The following PLXNA4 variants were observed in gnomAD, a reference collection of about 807,000 sequenced individuals.
The protein encoded by PLXNA4 is plexin-A4.
Under a neutral mutation model 191.8 loss-of-function variants are expected in PLXNA4, and 44 were observed. That is an observed-to-expected ratio of 0.23 (90% CI 0.18 to 0.29). PLXNA4 has a LOEUF of 0.29. PLXNA4 is among the 10% of genes least tolerant of loss of function. The pLI, the probability that PLXNA4 is intolerant of heterozygous loss-of-function variation, is 1.00. For missense variants in PLXNA4, 1,800 were observed against 2,488.8 expected (o/e 0.72, Z 5.89); for synonymous variants, 1,082 against 1,009.5 (o/e 1.07, Z -1.36).
intron 3 of PLXNA4, among the ~76,000 whole-genome samples, chr7:132,318,221 C>A (rs932684961): frequency 6.6e-6 from 1 of 152,168 alleles, no homozygotes; most frequent in Non-Finnish European, 1.5e-5. Flanking sequence ...CCCTTCCTAG[C>A]CAGACAGGTG....
intron 1 of PLXNA4, among the ~76,000 whole-genome samples, chr7:132,555,092 A>C (rs552094013): frequency 3.4e-5 from 5 of 145,596 alleles, no homozygotes; most frequent in African/African-American, 1.3e-4. Context: ...ATGGCCTGGC[A>C]AAAAAACCAC....
chr7:132,140,928 C>T, intron 29 of PLXNA4, 117 bp from the exon 30 acceptor site: 4 of 1,483,914 alleles, frequency 2.7e-6, no homozygotes, highest in Non-Finnish European at 3.6e-6. Context: ...ACTTAAGAGC[C>T]TTCTCTATGC....
rs755101202 is a variant in PLXNA4, at chr7:132,507,959, G to A, written c.735C>T (p.Val245=). 1.2e-6 allele frequency: 2 copies of A among 1,614,176 alleles called. No homozygotes were observed. Among genetic ancestry groups the A allele is most frequent in the Admixed American group, 3.3e-5 (2 of 60,028 alleles). ...CAAAGTTGCCACTGCTAAAACCATA[G>A]ACATAGTAGATATCAAAGTCAGGGA... is the stretch of plus-strand genomic sequence containing the variant. ...TIIPDFDIYY[V]YGFSSGNFVY... Residue 245 remains valine (V), a synonymous_variant, in exon 2 of 32, where the codon GTC becomes GTT. Transcript: ENST00000321063.
chr7:132,358,289 C>G (rs1393631021), intron 3 of PLXNA4, among the ~76,000 whole-genome samples: 1 of 152,160 alleles, frequency 6.6e-6, no homozygotes, highest in African/African-American at 2.4e-5. Flanking sequence ...CATCTGAAAC[C>G]GGGGTTGGGT....
At chr7:132,307,084 T>A (rs1235194060) in intron 3 of PLXNA4, among the ~76,000 whole-genome samples, 1 of 152,128 alleles carries the variant, frequency 6.6e-6, no homozygotes, top group Non-Finnish European at 1.5e-5. Flanking sequence ...CAGACTCTGA[T>A]GGGCTGCAAG....
intron 10 of PLXNA4, among the ~76,000 whole-genome samples, chr7:132,206,437 GGTGTGTGTGT>G (rs61032250): frequency 0.13 from 18,827 of 148,394 alleles, 1,243 homozygotes; most frequent in African/African-American, 0.15. Flanking sequence ...TATGTTTTCT[GGTGTGTGTGT>G]GTGTGTGTGT....
At position 132,256,481 on chromosome 7, in the gene PLXNA4, G is replaced by C. The variant is rs138967800; in HGVS notation, c.1504-15315C>G. ...TCACCATGCCACCGTTTGCTGAGTT[G>C]TGGGCCACCCCTCAGGGATGCTCAC... On this transcript the variant is annotated intron_variant, in intron 4 of 31. Transcript: ENST00000321063. Among the ~76,000 whole-genome samples the C allele has an allele frequency of 2.7e-3, 414 of 152,228 alleles. 3 individuals are homozygous for C. Among genetic ancestry groups the C allele is most frequent in the African/African-American group, 9.6e-3 (398 of 41,526 alleles).
At position 132,291,880 on chromosome 7, in the gene PLXNA4, C is replaced by T. The variant is rs1224013878; in HGVS notation, c.1503+6211G>A. 3.9e-5 allele frequency among the ~76,000 whole-genome samples: 6 copies of T among 152,284 alleles called. 1 individual carries two copies. Among genetic ancestry groups the T allele is most frequent in the Non-Finnish European group, 2.9e-5 (2 of 68,012 alleles). ...CATGATCTAAGTTCACTGCAACCTC[C>T]GCCTCCCAGGTTGAAGCGATTCTCC... is the stretch of plus-strand genomic sequence containing the variant. On this transcript the variant is annotated intron_variant, in intron 4 of 31. Coordinates refer to ENST00000321063, the MANE Select transcript of PLXNA4 (RefSeq NM_020911.2).
intron 9 of PLXNA4, among the ~76,000 whole-genome samples, chr7:132,211,788 C>T (rs1250872743): frequency 3.9e-5 from 6 of 152,192 alleles, no homozygotes; most frequent in African/African-American, 1.2e-4. Context: ...TGAGCTCTTT[C>T]TGGATGCTAG....
At chr7:132,579,959 C>T (rs1802371209), upstream of PLXNA4, among the ~76,000 whole-genome samples, 1 of 151,976 alleles carries the variant, frequency 6.6e-6, no homozygotes, top group African/African-American at 2.4e-5. Context: ...AGTAGGGCCT[C>T]TACATTGGAA....
In PLXNA4 at chr7:132,147,958, C is replaced by T. The variant is rs562347770; in HGVS notation, c.4806G>A (p.Val1602=). The T allele has an allele frequency of 6.2e-7, 1 of 1,614,170 alleles. No individual in the cohort carries two copies. Among genetic ancestry groups the T allele is most frequent in the South Asian group, 1.1e-5 (1 of 91,082 alleles). The change falls in exon 27 of 32, where the codon GTG becomes GTA. Residue 1602 remains valine (V), a synonymous_variant. Transcript: ENST00000321063. ...AGTTGTTCACTGCGTTATAGGCTGTCACCTGCTTGGACACTAATGCCACCA... is the reference window on the plus strand; with the variant it reads ...AGTTGTTCACTGCGTTATAGGCTGTTACCTGCTTGGACACTAATGCCACCA... ...GSVVALVSKQ[V]TAYNAVNNST...
At chr7:132,241,771 T>A (rs1368160059) in intron 4 of PLXNA4, among the ~76,000 whole-genome samples, 6 of 152,230 alleles carry the variant, frequency 3.9e-5, no homozygotes, top group Non-Finnish European at 8.8e-5. Flanking sequence ...CAACTGGCTC[T>A]AAAAGCTTTC....
At chr7:132,540,874 A>G (rs1242503676) in intron 1 of PLXNA4, among the ~76,000 whole-genome samples, 1 of 152,044 alleles carries the variant, frequency 6.6e-6, no homozygotes. Context: ...GGCGTGAGCC[A>G]CCGCGCCCGG....
At chr7:132,142,550 C>CCAAT (rs371263397) in intron 29 of PLXNA4, among the ~76,000 whole-genome samples, 14 of 152,336 alleles carry the variant, frequency 9.2e-5, no homozygotes, top group African/African-American at 2.4e-4. Context: ...TTCAAGACTG[C>CCAAT]CAATCAGTCG....
At chr7:132,561,654 TCC>T (rs1305948979) in intron 1 of PLXNA4, among the ~76,000 whole-genome samples, 1 of 130,714 alleles carries the variant, frequency 7.7e-6, no homozygotes, top group Non-Finnish European at 1.6e-5. Context: ...CTCCTCTTCC[TCC>T]TTTTCCTCAT....
chr7:132,231,853 G>A (rs185740318), intron 5 of PLXNA4, among the ~76,000 whole-genome samples: 157 of 152,330 alleles, frequency 1.0e-3, no homozygotes, highest in African/African-American at 3.4e-3. Context: ...AGAAAAGAGC[G>A]AAAGAATGGT....
chr7:132,176,205 G>C (rs1000902717), intron 20 of PLXNA4, among the ~76,000 whole-genome samples: 29 of 152,316 alleles, frequency 1.9e-4, no homozygotes, highest in Non-Finnish European at 1.9e-4. Flanking sequence ...ATGCCACCTG[G>C]AGAGTCCTCT....
At chr7:132,199,255 C>T (rs1318973202) in intron 12 of PLXNA4, among the ~76,000 whole-genome samples, 2 of 152,200 alleles carry the variant, frequency 1.3e-5, no homozygotes, top group East Asian at 3.9e-4. Context: ...TTTCAGTAAC[C>T]ATCTTTATGT....
At chr7:132,434,801 A>G (rs767186343) in intron 3 of PLXNA4, among the ~76,000 whole-genome samples, 5 of 152,196 alleles carry the variant, frequency 3.3e-5, no homozygotes, top group Non-Finnish European at 7.3e-5. Flanking sequence ...CACAGCCTTG[A>G]CGGGTACAGA....
Sources: allele counts gnomAD v4.1 joint callset (sites outside exome capture counted in the v4.1 genomes callset), GRCh38; gene constraint gnomAD v4.1.1; transcripts MANE v1.5; gene names NCBI Gene and HGNC (gene_info 2026-07-23, HGNC 2026-07-21).